ME3: variants seen among roughly 807,000 people sequenced by gnomAD.
ME3 encodes the protein NADP-dependent malic enzyme, mitochondrial.
Under a neutral mutation model 68.9 loss-of-function variants are expected in ME3, and 48 were observed. The ratio of observed to expected loss-of-function variants is 0.70; its 90% confidence interval spans 0.55 to 0.89. The LOEUF (loss-of-function observed/expected upper bound fraction) is 0.89, where lower values mean the gene tolerates loss of function less well. ME3 is among the 40% of genes least tolerant of loss of function. ME3 has a pLI of 0.00. For synonymous variants in ME3, 320 were observed against 318.8 expected (o/e 1.00, Z -0.04); for missense variants, 675 against 797.4 (o/e 0.85, Z 1.85).
chr11:86,523,507 AC>A (rs772073239), intron 4 of ME3, among the ~76,000 whole-genome samples: 66 of 149,220 alleles, frequency 4.4e-4, no homozygotes, highest in Non-Finnish European at 7.8e-4. Flanking sequence ...AATTGTTTGT[AC>A]TCTTTTTTTT....
chr11:86,519,516 A>C (rs1457418372), intron 4 of ME3, among the ~76,000 whole-genome samples: 2 of 152,232 alleles, frequency 1.3e-5, no homozygotes. Flanking sequence ...CTTGGCACCA[A>C]GTCCAGCAAT....
chr11:86,485,367 A>G (rs1951625806), intron 7 of ME3, among the ~76,000 whole-genome samples: 1 of 152,212 alleles, frequency 6.6e-6, no homozygotes, highest in African/African-American at 2.4e-5. Flanking sequence ...TAGCTTCTCT[A>G]GCACTGGATG....
chr11:86,437,292 T>C (rs530506762), downstream of ME3: 1 of 152,316 alleles, frequency 6.6e-6, no homozygotes, highest in East Asian at 1.9e-4. Context: ...CATTTTCTTA[T>C]CCATTTTCTT....
chr11:86,478,992 G>A (rs961908568), intron 7 of ME3, among the ~76,000 whole-genome samples: 6 of 152,136 alleles, frequency 3.9e-5, no homozygotes, highest in African/African-American at 1.4e-4. Context: ...TCAGATAGCT[G>A]GTAAAGCATT....
chr11:86,637,844 G>A (rs539639881), intron 2 of ME3, among the ~76,000 whole-genome samples: 1 of 152,198 alleles, frequency 6.6e-6, no homozygotes, highest in East Asian at 1.9e-4. Flanking sequence ...ATGACATCCT[G>A]AACTCTGCAC....
At chr11:86,441,771 T>TC (rs1377503935) in intron 14 of ME3, among the ~76,000 whole-genome samples, 1 of 152,178 alleles carries the variant, frequency 6.6e-6, no homozygotes, top group African/African-American at 2.4e-5. Flanking sequence ...AAGAGACCTT[T>TC]CTCTGGAGCA....
downstream of ME3, among the ~76,000 whole-genome samples, chr11:86,438,648 A>G (rs1010015885): frequency 6.6e-6 from 1 of 152,108 alleles, no homozygotes; most frequent in Non-Finnish European, 1.5e-5. Flanking sequence ...TTTACTTATT[A>G]TAGGTATATT....
intron 4 of ME3, among the ~76,000 whole-genome samples, chr11:86,554,092 G>A (rs1014636279): frequency 6.6e-6 from 1 of 152,196 alleles, no homozygotes; most frequent in Non-Finnish European, 1.5e-5. Context: ...TTCAGTCCTG[G>A]TGGTGTCCCT....
intron 6 of ME3, among the ~76,000 whole-genome samples, chr11:86,495,525 T>G (rs1952268328): frequency 6.6e-6 from 1 of 152,190 alleles, no homozygotes; most frequent in African/African-American, 2.4e-5. Context: ...AGGTCTCAAT[T>G]AAATCCAGCT....
chr11:86,627,006 G>T (rs183354304), intron 2 of ME3, among the ~76,000 whole-genome samples: 1 of 152,336 alleles, frequency 6.6e-6, no homozygotes, highest in East Asian at 1.9e-4. Context: ...GAATTTAGAG[G>T]TGGAGAGAGG....
chr11:86,488,509 A>G (rs950966985), intron 6 of ME3, among the ~76,000 whole-genome samples: 16 of 152,174 alleles, frequency 1.1e-4, no homozygotes, highest in African/African-American at 3.6e-4. Flanking sequence ...TCAGTTCAAG[A>G]GAGATGCTCA....
At chr11:86,452,752 A>G (rs1039541377) in intron 8 of ME3, among the ~76,000 whole-genome samples, 1 of 152,164 alleles carries the variant, frequency 6.6e-6, no homozygotes, top group African/African-American at 2.4e-5. Flanking sequence ...ATTATTTTAT[A>G]TAAGTTCTGT....
chr11:86,455,666 C>A (rs1281071795), intron 8 of ME3, among the ~76,000 whole-genome samples: 2 of 152,116 alleles, frequency 1.3e-5, no homozygotes, highest in African/African-American at 2.4e-5. Context: ...TCTAGAAGAC[C>A]ATTTTGCAGT....
chr11:86,527,324 A>G (rs993285181), intron 4 of ME3, among the ~76,000 whole-genome samples: 20 of 152,186 alleles, frequency 1.3e-4, no homozygotes, highest in African/African-American at 4.6e-4. Flanking sequence ...AAAAAAGAAT[A>G]AAAAGAAACG....
chr11:86,594,800 G>C (rs1033654349), intron 2 of ME3, among the ~76,000 whole-genome samples: 2 of 146,964 alleles, frequency 1.4e-5, no homozygotes, highest in East Asian at 2.3e-4. Context: ...CCAAAGCAGG[G>C]ATGGCAAGAG....
At chr11:86,535,308 A>G (rs1274341073) in intron 4 of ME3, among the ~76,000 whole-genome samples, 7 of 152,086 alleles carry the variant, frequency 4.6e-5, no homozygotes, top group Non-Finnish European at 8.8e-5. Flanking sequence ...CATCACATCT[A>G]TGTCGTCCAC....
chr11:86,565,231 G>A (rs1957425725), intron 2 of ME3, among the ~76,000 whole-genome samples: 1 of 152,080 alleles, frequency 6.6e-6, no homozygotes. Context: ...TAGGAAACAA[G>A]TGTTGATGAA....
chr11:86,479,719 A>G (rs1401460765), intron 7 of ME3, among the ~76,000 whole-genome samples: 1 of 152,176 alleles, frequency 6.6e-6, no homozygotes, highest in East Asian at 1.9e-4. Flanking sequence ...TCAACACCAA[A>G]TAGTTGGGTA....
intron 7 of ME3, among the ~76,000 whole-genome samples, chr11:86,477,455 A>G (rs1951145266): frequency 1.4e-5 from 2 of 142,284 alleles, no homozygotes; most frequent in African/African-American, 5.0e-5. Flanking sequence ...TAAGCAATTA[A>G]ATAATTAAGA....
Sources: allele counts gnomAD v4.1 joint callset (sites outside exome capture counted in the v4.1 genomes callset), GRCh38; gene constraint gnomAD v4.1.1; transcripts MANE v1.5; gene names NCBI Gene and HGNC (gene_info 2026-07-23, HGNC 2026-07-21).